The following HDAC8 variants were observed in gnomAD, a reference collection of about 807,000 sequenced individuals.
HDAC8 encodes the protein histone deacetylase-like 1.
A neutral mutation model predicts 32.2 loss-of-function variants in HDAC8; 1 was observed. The ratio of observed to expected loss-of-function variants is 0.03; its 90% CI spans 0.01 to 0.15. The LOEUF (loss-of-function observed/expected upper bound fraction) is 0.15. Among genes scored for constraint, HDAC8 ranks in the 10% least tolerant of loss-of-function variants. HDAC8 has a pLI of 1.00. For missense variants in HDAC8, 117 were observed against 300.0 expected (o/e 0.39, Z 4.51); for synonymous variants, 108 against 113.9 (o/e 0.95, Z 0.33).
intron 5 of HDAC8, 98 bp downstream of exon 5, chrX:72,495,058 A>T (rs2048979825): frequency 1.9e-6 from 1 of 532,017 alleles, no homozygotes; most frequent in East Asian, 3.8e-5. Context: ...GGAAAATTTC[A>T]ATTACAGCAG....
In HDAC8 at chrX:72,459,054, C is replaced by T. The variant is rs373764082; in HGVS notation, c.1005+2950G>A. 2.1e-4 allele frequency among the ~76,000 whole-genome samples: 24 copies of T among 111,738 alleles called. No individual in the cohort carries two copies. The East Asian group carries it at 2.5e-3, about 12-fold the overall frequency. ...CTGCCTAGAATGCCTTTTTCTTCTT[C>T]TTCACCTAGCGAACTCCTAATCAGC... On this transcript the variant is annotated intron_variant, in intron 9 of 10. Coordinates refer to ENST00000373573, the MANE Select transcript of HDAC8 (RefSeq NM_018486.3).
intron 9 of HDAC8, among the ~76,000 whole-genome samples, chrX:72,360,497 G>C (rs978191324): frequency 8.9e-6 from 1 of 112,372 alleles, no homozygotes; most frequent in Non-Finnish European, 1.9e-5. Context: ...CAAGCCCAAG[G>C]TCAATGCCAA....
At chrX:72,422,752 G>C (rs1157112303) in intron 9 of HDAC8, among the ~76,000 whole-genome samples, 2 of 111,572 alleles carry the variant, frequency 1.8e-5, no homozygotes, top group African/African-American at 6.5e-5. Flanking sequence ...AGCAATGCCT[G>C]GTAATTTTCT....
At chrX:72,561,202 A>G (rs954033000) in intron 4 of HDAC8, among the ~76,000 whole-genome samples, 1 of 111,981 alleles carries the variant, frequency 8.9e-6, no homozygotes, top group Non-Finnish European at 1.9e-5. Context: ...ACAATCCTAA[A>G]ATTTATATGG....
chrX:72,491,120 A>G, intron 5 of HDAC8, 114 bp from the exon 6 acceptor site: 1 of 480,557 alleles, frequency 2.1e-6, no homozygotes, highest in African/African-American at 2.4e-5. Flanking sequence ...AGGCAGCAAT[A>G]TAAAACTAAC....
At chrX:72,456,581 T>C (rs2047724459) in intron 9 of HDAC8, among the ~76,000 whole-genome samples, 1 of 111,567 alleles carries the variant, frequency 9.0e-6, no homozygotes, top group South Asian at 3.8e-4. Context: ...GGCGAATTAC[T>C]TGAGGTCAGG....
At position 72,464,753 on chromosome X, in the gene HDAC8, C is replaced by T. The variant is rs2047969546; in HGVS notation, c.738-22G>A. On this transcript the variant is annotated intron_variant, in intron 7 of 10. Transcript: ENST00000373573. Reference sequence around the variant, plus strand: ...TACACTATATAAAATAGAAAGGATACAAAATATAGGTCAGTTTGGTCTAGG... The same window carrying T: ...TACACTATATAAAATAGAAAGGATATAAAATATAGGTCAGTTTGGTCTAGG... 3.5e-6 allele frequency: 4 copies of T among 1,136,022 alleles called. No individual in the cohort carries two copies. The East Asian group carries it at 1.2e-4, about 34-fold the overall frequency. 93.6% of individuals were successfully genotyped at this position (1,136,022 alleles called of 1,213,427 possible). A position where few individuals can be genotyped will look rare whatever the true frequency, so the allele number is the denominator to read the frequency against.
chrX:72,468,748 GAGGAAAAC>G (rs1330456631), intron 7 of HDAC8, among the ~76,000 whole-genome samples: 2 of 111,819 alleles, frequency 1.8e-5, no homozygotes, highest in Non-Finnish European at 3.8e-5. Context: ...TCCACTAGGG[GAGGAAAAC>G]AGGAAAACAA....
Position 72,392,204 on chromosome X carries a change from T to C in HDAC8, c.1006-40366A>G, listed in dbSNP as rs782348172. ...ATGCCACAATAGTAGGTACCAACTC[T>C]ACACAGACAGACATCCCTGTGATGT... On this transcript the variant is annotated intron_variant, in intron 9 of 10. Coordinates refer to ENST00000373573, the MANE Select transcript of HDAC8 (RefSeq NM_018486.3). 5.4e-5 allele frequency among the ~76,000 whole-genome samples: 6 copies of C among 111,918 alleles called. No individual in the cohort carries two copies. In the South Asian group the frequency reaches 2.3e-3, roughly 42 times the overall value.
At chrX:72,360,061 G>GAAA (rs568742516) in intron 9 of HDAC8, among the ~76,000 whole-genome samples, 46 of 82,600 alleles carry the variant, frequency 5.6e-4, no homozygotes, top group African/African-American at 1.7e-3. Flanking sequence ...CTCAAAAAAA[G>GAAA]AAAAAAAAAA....
At chrX:72,504,846 T>A (rs2049338331) in intron 4 of HDAC8, among the ~76,000 whole-genome samples, 1 of 111,420 alleles carries the variant, frequency 9.0e-6, no homozygotes, top group African/African-American at 3.3e-5. Context: ...TTTCTCCACG[T>A]CCTCACCAGC....
intron 9 of HDAC8, among the ~76,000 whole-genome samples, chrX:72,375,042 T>C (rs782048440): frequency 1.8e-5 from 2 of 111,378 alleles, no homozygotes; most frequent in Non-Finnish European, 3.8e-5. Context: ...TTGGTCTCAA[T>C]TGAACTCCTG....
rs141633645 is a variant in HDAC8 at position 72,553,453 on chromosome X, T to A, written c.437+14436A>T. 6.8e-3 allele frequency among the ~76,000 whole-genome samples: 765 copies of A among 112,177 alleles called. 2 individuals carry two copies. The highest frequency in any genetic ancestry group is 0.01 in the Non-Finnish European group (539 of 53,259). ...TTTGGGTCTCCCTCCTGCCCCTTTT[T>A]TGGCTACTATAAGTAACAGAGAAAG... On this transcript the variant is annotated intron_variant, in intron 4 of 10. Coordinates refer to ENST00000373573, the MANE Select transcript of HDAC8 (RefSeq NM_018486.3).
intron 4 of HDAC8, among the ~76,000 whole-genome samples, chrX:72,566,592 T>C (rs1349690930): frequency 2.7e-5 from 3 of 112,112 alleles, no homozygotes; most frequent in African/African-American, 9.7e-5. Context: ...AAACAAAGTG[T>C]TGTTTTCTCT....
rs782240499 is a variant in HDAC8 at position 72,428,704 on chromosome X, G to T, written c.1005+33300C>A. ...CTAAGGTCACTCCAGGAATAGAAAA[G>T]CACTGCCTGCTGATACAATGAGTCT... On this transcript the variant is annotated intron_variant, in intron 9 of 10. Coordinates refer to ENST00000373573, the MANE Select transcript of HDAC8 (RefSeq NM_018486.3). Among the ~76,000 whole-genome samples the T allele has an allele frequency of 2.2e-4, 24 of 111,621 alleles. No homozygotes were observed. The South Asian group carries it at 9.2e-3, about 43-fold the overall frequency.
chrX:72,560,193 G>A (rs1431188154), intron 4 of HDAC8, among the ~76,000 whole-genome samples: 1 of 112,226 alleles, frequency 8.9e-6, no homozygotes, highest in Non-Finnish European at 1.9e-5. Flanking sequence ...GTAGACGTAG[G>A]AGACTCCATT....
intron 4 of HDAC8, among the ~76,000 whole-genome samples, chrX:72,524,469 A>G (rs1268606594): frequency 6.3e-5 from 7 of 111,931 alleles, no homozygotes; most frequent in African/African-American, 2.3e-4. Flanking sequence ...AGGCCTCAGA[A>G]TCTTAACACA....
At chrX:72,361,356 G>A (rs1451692364) in intron 9 of HDAC8, among the ~76,000 whole-genome samples, 10 of 111,387 alleles carry the variant, frequency 9.0e-5, no homozygotes, top group African/African-American at 3.3e-4. Context: ...AGTAAACCTG[G>A]GAAATGTTAT....
chrX:72,535,278 G>T (rs1556038509), intron 4 of HDAC8, among the ~76,000 whole-genome samples: 1 of 111,758 alleles, frequency 8.9e-6, no homozygotes, highest in Non-Finnish European at 1.9e-5. Flanking sequence ...ATCAGCAGGG[G>T]AGGAAAATTC....
Sources: gnomAD v4.1 joint callset for allele counts (sites outside exome capture counted in the v4.1 genomes callset) on GRCh38, gnomAD v4.1.1 for gene constraint, MANE v1.5 for transcripts, NCBI Gene and HGNC (gene_info 2026-07-23, HGNC 2026-07-21) for gene names.